Variants in GSTA4 observed in about 807,000 individuals in gnomAD.
The protein encoded by GSTA4 is glutathione S-transferase A4.
A neutral mutation model predicts 24.4 loss-of-function variants in GSTA4; 15 were observed. The ratio of observed to expected loss-of-function variants is 0.61; its 90% CI spans 0.41 to 0.95. The LOEUF is 0.95. Ranked by LOEUF, GSTA4 falls within the 40% of genes least tolerant of loss-of-function variation. GSTA4 has a pLI of 0.00. For synonymous variants in GSTA4, 92 were observed against 94.2 expected, an observed-to-expected ratio of 0.98 and a Z score of 0.13; for missense variants, 244 against 262.1, an observed-to-expected ratio of 0.93 and a Z score of 0.48.
chr6:52,993,276 A>G (rs1164667544), intron 2 of GSTA4, among the ~76,000 whole-genome samples: 1 of 152,240 alleles, frequency 6.6e-6, no homozygotes, highest in Non-Finnish European at 1.5e-5. Context: ...TAAATCTGAA[A>G]ATATTCCCAA....
Position 52,978,133 on chromosome 6 carries a change from T to A in GSTA4, c.*337A>T. ...CAGGATAAGGAGAGCAGAAAGACGC[T>A]CAGGAGAGTAGAAAGACACTCAGGA... On this transcript the variant is annotated 3_prime_UTR_variant, in exon 7 of 7. Transcript: ENST00000370963. The A allele has an allele frequency of 4.1e-6, 1 of 246,552 alleles. No homozygotes were observed. 15.3% of individuals were successfully genotyped at this position (246,552 alleles called of 1,614,324 possible). A position where few individuals can be genotyped will look rare whatever the true frequency, so the allele number is the denominator to read the frequency against.
chr6:52,985,697 G>T, intron 3 of GSTA4, 114 bp from the exon 4 acceptor site: 2 of 1,072,580 alleles, frequency 1.9e-6, no homozygotes, highest in Non-Finnish European at 2.8e-6. Context: ...AGGAAATAGT[G>T]TAAAGCTTCC....
chr6:52,986,073 G>A (rs1260587197), intron 3 of GSTA4, among the ~76,000 whole-genome samples: 1 of 152,004 alleles, frequency 6.6e-6, no homozygotes, highest in Non-Finnish European at 1.5e-5. Context: ...CTGAAAACTA[G>A]CATTGTTATA....
chr6:52,982,821 T>C, intron 5 of GSTA4, 116 bp from the exon 6 acceptor site: 1 of 781,904 alleles, frequency 1.3e-6, no homozygotes, highest in South Asian at 1.6e-5. Context: ...ATTTCATGCT[T>C]TCATAAATAA....
rs779670510 is a variant in GSTA4 at position 52,982,729 on chromosome 6, G to T, written c.415-24C>A. 3.1e-6 allele frequency: 5 copies of T among 1,594,472 alleles called. No homozygotes were observed. In the African/African-American group the frequency reaches 6.7e-5, roughly 21 times the overall value. ...ATCTGTAGGGAAATGGTGTGCATCAGTTACAATATTCCACATGGAGAGAGT... is the reference window on the plus strand; with the variant it reads ...ATCTGTAGGGAAATGGTGTGCATCATTTACAATATTCCACATGGAGAGAGT... On this transcript the variant is annotated intron_variant, in intron 5 of 6. Transcript: ENST00000370963.
chr6:52,985,668 A>G, intron 3 of GSTA4, 85 bp from the exon 4 acceptor site: 6 of 1,364,350 alleles, frequency 4.4e-6, no homozygotes, highest in Middle Eastern at 1.8e-4. Context: ...ATGAAAAGAA[A>G]CGGTGGAATC....
At chr6:52,986,557 T>C (rs1010182009) in intron 3 of GSTA4, among the ~76,000 whole-genome samples, 1 of 152,208 alleles carries the variant, frequency 6.6e-6, no homozygotes, top group Non-Finnish European at 1.5e-5. Flanking sequence ...CAAACCTGAA[T>C]CCAACACTTT....
chr6:52,978,051 G>T lies in GSTA4; in HGVS notation c.*419C>A. The T allele has an allele frequency of 6.3e-6, 1 of 157,482 alleles. No homozygotes were observed. Among genetic ancestry groups the T allele is most frequent in the Non-Finnish European group, 1.4e-5 (1 of 72,160 alleles). The allele number at this position is 157,482 out of a possible 1,614,324, so 9.8% of individuals were successfully genotyped here. ...GAGGAGAGTCATTTACTAGACATTC[G>T]GTTGTTATTAAACACTAAAAATTAG... On this transcript the variant is annotated 3_prime_UTR_variant, in exon 7 of 7. Transcript: ENST00000370963.
rs1763377441 is a variant in GSTA4 at position 52,977,988 on chromosome 6, A to G, written c.*482T>C. 6.5e-6 allele frequency: 1 copy of G among 153,088 alleles called. No individual in the cohort carries two copies. Among genetic ancestry groups the G allele is most frequent in the African/African-American group, 2.4e-5 (1 of 41,456 alleles). 9.5% of individuals were successfully genotyped at this position (153,088 alleles called of 1,614,324 possible). ...AAATTCTTTATTTTGGCTAATACTGATTGCATTCATTACTACCATTTTATT... is the reference window on the plus strand; with the variant it reads ...AAATTCTTTATTTTGGCTAATACTGGTTGCATTCATTACTACCATTTTATT... On this transcript the variant is annotated 3_prime_UTR_variant, in exon 7 of 7. Coordinates refer to ENST00000370963, the MANE Select transcript of GSTA4 (RefSeq NM_001512.4).
chr6:52,986,971 ATATT>A (rs1038381424), intron 3 of GSTA4, among the ~76,000 whole-genome samples: 1 of 152,076 alleles, frequency 6.6e-6, no homozygotes, highest in African/African-American at 2.4e-5. Flanking sequence ...GTAAATGGGG[ATATT>A]TATTTGCATA....
intron 6 of GSTA4, among the ~76,000 whole-genome samples, chr6:52,980,273 G>C (rs1763424745): frequency 6.6e-6 from 1 of 151,434 alleles, no homozygotes; most frequent in Admixed American, 6.6e-5. Flanking sequence ...GTGTACACAA[G>C]CATGTATATA....
chr6:52,978,147 A>G lies in GSTA4; in HGVS notation c.*323T>C, dbSNP rs2127381981. 2 of 266,954 alleles carry G rather than the reference A, an allele frequency of 7.5e-6. No homozygotes were observed. The highest frequency in any genetic ancestry group is 1.3e-4 in the East Asian group (1 of 7,956). The allele number at this position is 266,954 out of a possible 1,614,324, so 16.5% of individuals were successfully genotyped here. A position where few individuals can be genotyped will look rare whatever the true frequency, so the allele number is the denominator to read the frequency against. On this transcript the variant is annotated 3_prime_UTR_variant, in exon 7 of 7. Transcript: ENST00000370963. ...CAGAAAGACGCTCAGGAGAGTAGAA[A>G]GACACTCAGGAGAGAACAAGAGATC...
chr6:52,987,399 C>A lies in GSTA4; in HGVS notation c.97G>T (p.Glu33Ter), dbSNP rs1763583536. 2.6e-6 allele frequency: 4 copies of A among 1,564,864 alleles called. No individual in the cohort carries two copies. In the East Asian group the frequency reaches 9.0e-5, roughly 35 times the overall value. ...AACTGTTCTTTTGTTTCCAGAAATT[C>A]TTCATCAAACTAAATTTTTAAAAAA... is the stretch of plus-strand genomic sequence containing the variant. ...LAAAGVEFDE[E>*]FLETKEQLYK... Residue 33 changes from glutamate (E) to a stop codon, truncating the protein, a stop_gained, in exon 3 of 7, where the codon GAA becomes TAA. Transcript: ENST00000370963. LOFTEE classifies it high-confidence loss of function.
chr6:52,983,631 T>C (rs1315563500), intron 5 of GSTA4, among the ~76,000 whole-genome samples: 1 of 152,222 alleles, frequency 6.6e-6, no homozygotes, highest in Admixed American at 6.5e-5. Context: ...TCTCACCTCA[T>C]AGGCGTGTTG....
chr6:52,992,334 G>A (rs1314183354), intron 2 of GSTA4, among the ~76,000 whole-genome samples: 1 of 152,144 alleles, frequency 6.6e-6, no homozygotes, highest in African/African-American at 2.4e-5. Flanking sequence ...GAAATGAGTG[G>A]AGATAAATCT....
At chr6:52,994,666 A>AAGC (rs1763733026) in intron 1 of GSTA4, among the ~76,000 whole-genome samples, 1 of 152,164 alleles carries the variant, frequency 6.6e-6, no homozygotes, top group Non-Finnish European at 1.5e-5. Flanking sequence ...CAGCCACTGG[A>AAGC]AGCTCTTCAA....
chr6:52,982,620 A>C lies in GSTA4; in HGVS notation c.500T>G (p.Leu167Arg). ...CAGGATATTAGGAATTTTCTCTTCT[A>C]GAGCTAAAATGGTTTGGAGTAAAAT... ...DVILLQTILA[L>R]EEKIPNILSA... Residue 167 changes from leucine to arginine, a missense_variant, in exon 6 of 7, where the codon CTA (leucine) becomes CGA (arginine). Leu to Arg is a moderately radical substitution (Grantham distance 102). Transcript: ENST00000370963. 6.2e-7 allele frequency: 1 copy of C among 1,609,834 alleles called. No individual in the cohort carries two copies. Among genetic ancestry groups the C allele is most frequent in the Non-Finnish European group, 8.5e-7 (1 of 1,176,188 alleles).
intron 2 of GSTA4, among the ~76,000 whole-genome samples, chr6:52,992,792 C>A (rs1379145765): frequency 6.6e-6 from 1 of 151,972 alleles, no homozygotes; most frequent in Non-Finnish European, 1.5e-5. Flanking sequence ...TGTTGGATCG[C>A]GGGATAGTAA....
intron 6 of GSTA4, among the ~76,000 whole-genome samples, chr6:52,982,181 C>G (rs1260862516): frequency 1.3e-5 from 2 of 152,130 alleles, no homozygotes; most frequent in African/African-American, 2.4e-5. Flanking sequence ...ACTCCCTGTG[C>G]ATGGAGTTTT....
Sources: gnomAD v4.1 joint callset for allele counts (sites outside exome capture counted in the v4.1 genomes callset) on GRCh38, gnomAD v4.1.1 for gene constraint, MANE v1.5 for transcripts, NCBI Gene and HGNC (gene_info 2026-07-23, HGNC 2026-07-21) for gene names.